Variants in NBAS observed in about 807,000 individuals in gnomAD.
NBAS encodes the protein NAG/BC035112 fusion.
Under a neutral mutation model 302.5 loss-of-function variants are expected in NBAS, and 219 were observed. The observed-to-expected ratio is 0.72, with a 90% CI of 0.65 to 0.81. The LOEUF (loss-of-function observed/expected upper bound fraction) is 0.81, where lower values mean the gene tolerates loss of function less well. NBAS is among the 30% of genes least tolerant of loss of function. NBAS has a pLI of 0.00. For missense variants in NBAS, 2,932 were observed against 2,841.6 expected (o/e 1.03, Z -0.72); for synonymous variants, 1,118 against 1,021.6 (o/e 1.09, Z -1.80).
chr2:15,275,928 C>T (rs891318845), intron 43 of NBAS, 110 bp from the exon 44 acceptor site: 2 of 916,688 alleles, frequency 2.2e-6, no homozygotes, highest in Non-Finnish European at 3.4e-6. Flanking sequence ...AAAGATCTAT[C>T]AACTTAGCTC....
At chr2:14,830,464 G>GT in the NBAS span, among the ~76,000 whole-genome samples, 1 of 152,224 alleles carries the variant, frequency 6.6e-6, no homozygotes, top group South Asian at 2.1e-4. Context: ...GAAAAAATTG[G>GT]TTTTGCAAGT....
At chr2:15,054,675 T>G in the NBAS span, among the ~76,000 whole-genome samples, 1 of 152,154 alleles carries the variant, frequency 6.6e-6, no homozygotes. Flanking sequence ...AGAAACACAC[T>G]TGCACTCCTC....
intron 44 of NBAS, 91 bp from the exon 45 acceptor site, chr2:15,238,777 T>C: frequency 4.4e-6 from 5 of 1,142,118 alleles, no homozygotes; most frequent in Non-Finnish European, 6.2e-6. Context: ...AAAAGTGAAA[T>C]TTTTGTATAT....
chr2:15,475,989 G>A, intron 13 of NBAS, 109 bp from the exon 14 acceptor site: 1 of 819,536 alleles, frequency 1.2e-6, no homozygotes, highest in South Asian at 2.1e-5. Context: ...ACATTATTTG[G>A]GCCCTAATGG....
intron 35 of NBAS, among the ~76,000 whole-genome samples, chr2:15,348,466 A>C (rs894710142): frequency 6.6e-6 from 1 of 152,142 alleles, no homozygotes; most frequent in Non-Finnish European, 1.5e-5. Flanking sequence ...GGCCAGGCTG[A>C]CATTTTATAA....
the NBAS span, among the ~76,000 whole-genome samples, chr2:14,785,426 TG>T: frequency 6.6e-6 from 1 of 152,222 alleles, no homozygotes; most frequent in Admixed American, 6.5e-5. Flanking sequence ...TTCCAGTTTT[TG>T]CCCATTCAGT....
chr2:15,381,327 A>G (rs1215449227), intron 29 of NBAS, among the ~76,000 whole-genome samples: 2 of 152,218 alleles, frequency 1.3e-5, no homozygotes, highest in African/African-American at 4.8e-5. Flanking sequence ...ACAACATAGT[A>G]TATTTTAAAT....
the NBAS span, among the ~76,000 whole-genome samples, chr2:14,990,357 G>C: frequency 6.6e-6 from 1 of 151,568 alleles, no homozygotes; most frequent in Non-Finnish European, 1.5e-5. Context: ...CTGGGAGGCA[G>C]AGGTTGCAGG....
the NBAS span, among the ~76,000 whole-genome samples, chr2:15,158,256 G>A: frequency 6.6e-6 from 1 of 152,186 alleles, no homozygotes; most frequent in Admixed American, 6.5e-5. Flanking sequence ...GTGGGATCCC[G>A]TTGCCATGGC....
chr2:14,879,191 A>G, the NBAS span, among the ~76,000 whole-genome samples: 2 of 152,172 alleles, frequency 1.3e-5, no homozygotes, highest in African/African-American at 4.8e-5. Flanking sequence ...ACCATAGTTT[A>G]TCTATTCACC....
the NBAS span, among the ~76,000 whole-genome samples, chr2:15,022,797 A>G: frequency 6.6e-6 from 1 of 151,954 alleles, no homozygotes; most frequent in African/African-American, 2.4e-5. Flanking sequence ...CATTCTTCCA[A>G]TCTTCTCATA....
the NBAS span, among the ~76,000 whole-genome samples, chr2:14,960,232 C>G: frequency 2.6e-5 from 4 of 152,214 alleles, no homozygotes; most frequent in Admixed American, 2.6e-4. Flanking sequence ...GCTCTGTGCA[C>G]AGCTGTAGCA....
intron 12 of NBAS, 59 bp from the exon 13 acceptor site, chr2:15,478,348 A>G (rs1680279997): frequency 4.0e-6 from 5 of 1,255,498 alleles, no homozygotes; most frequent in Non-Finnish European, 5.8e-6. Flanking sequence ...TAAGAAAATC[A>G]TCAAGAACTG....
At chr2:15,315,813 C>T (rs1671481885) in intron 38 of NBAS, among the ~76,000 whole-genome samples, 1 of 152,134 alleles carries the variant, frequency 6.6e-6, no homozygotes, top group Non-Finnish European at 1.5e-5. Context: ...CAGGGCTCTC[C>T]TAACTAACAT....
At chr2:14,869,938 G>A in the NBAS span, among the ~76,000 whole-genome samples, 2 of 152,122 alleles carry the variant, frequency 1.3e-5, no homozygotes, top group African/African-American at 2.4e-5. Context: ...ATGAGTGGTA[G>A]ACATAACTTA....
At chr2:15,100,995 G>C in the NBAS span, among the ~76,000 whole-genome samples, 1 of 152,174 alleles carries the variant, frequency 6.6e-6, no homozygotes. Context: ...ACATCAGGAA[G>C]ATGGAAATTT....
At chr2:14,875,961 G>C in the NBAS span, among the ~76,000 whole-genome samples, 1 of 152,188 alleles carries the variant, frequency 6.6e-6, no homozygotes, top group African/African-American at 2.4e-5. Flanking sequence ...TGCAGTTGGG[G>C]CTACAGTTTG....
chr2:14,858,396 T>C, the NBAS span, among the ~76,000 whole-genome samples: 2 of 152,194 alleles, frequency 1.3e-5, no homozygotes, highest in Non-Finnish European at 2.9e-5. Context: ...CTGCAAAGAT[T>C]TGGAAGCAAC....
Position 15,402,150 on chromosome 2 carries a change from C to T in NBAS, c.3071+18G>A. On this transcript the variant is annotated intron_variant, in intron 26 of 51. Coordinates refer to ENST00000281513, the MANE Select transcript of NBAS (RefSeq NM_015909.4). ...GAATAAAAAAACACAATAAGACTGGCATACTGTGTATTCTTACCCATATCC... is the reference window on the plus strand; with the variant it reads ...GAATAAAAAAACACAATAAGACTGGTATACTGTGTATTCTTACCCATATCC... The T allele has an allele frequency of 6.2e-7, 1 of 1,613,122 alleles. No individual in the cohort carries two copies. The highest frequency in any genetic ancestry group is 1.1e-5 in the South Asian group (1 of 91,048).
Sources: allele counts gnomAD v4.1 joint callset (sites outside exome capture counted in the v4.1 genomes callset), GRCh38; gene constraint gnomAD v4.1.1; transcripts MANE v1.5; gene names NCBI Gene and HGNC (gene_info 2026-07-23, HGNC 2026-07-21).